The following ITGAM variants were observed in gnomAD, a reference collection of about 807,000 sequenced individuals.
ITGAM encodes the protein integrin subunit alpha M, also known as integrin alpha-M.
In ITGAM, 79 loss-of-function variants were observed where a neutral mutation model predicts 137.5. The ratio of observed to expected loss-of-function variants is 0.57; its 90% CI spans 0.48 to 0.69. The LOEUF is 0.69. Among genes scored for constraint, ITGAM ranks in the 30% least tolerant of loss-of-function variants. The pLI is 0.00. For missense variants in ITGAM, 1,343 were observed against 1,483.5 expected (o/e 0.91, Z 1.56); for synonymous variants, 583 against 592.3 (o/e 0.98, Z 0.23).
At chr16:31,267,775 C>T (rs1339862217) in intron 5 of ITGAM, among the ~76,000 whole-genome samples, 3 of 152,064 alleles carry the variant, frequency 2.0e-5, no homozygotes, top group Non-Finnish European at 4.4e-5. Context: ...GCCTCCGCCT[C>T]CAGAGTAGCT....
Position 31,273,467 on chromosome 16 carries a change from G to C in ITGAM, c.807G>C (p.Glu269Asp). Residue 269 changes from glutamate (E) to aspartate (D), a missense_variant, in exon 8 of 30, where the codon GAG becomes GAC. Physicochemically the swap from Glu to Asp is conservative, Grantham distance 45. Coordinates refer to ENST00000544665, the MANE Select transcript of ITGAM (RefSeq NM_000632.4). The stretch of plus-strand genomic sequence containing the variant: ...AGTTTGGCGATCCCTTGGGATATGA[G>C]GATGTCATCCCTGAGGCAGACAGAG... ...GEKFGDPLGY[E>D]DVIPEADREG... is the part of the protein sequence containing the mutation. The C allele has an allele frequency of 6.2e-7, 1 of 1,613,806 alleles. No individual in the cohort carries two copies. The highest frequency in any genetic ancestry group is 8.5e-7 in the Non-Finnish European group (1 of 1,179,782).
chr16:31,265,284 T>A, intron 2 of ITGAM, 111 bp from the exon 3 acceptor site: 2 of 511,448 alleles, frequency 3.9e-6, no homozygotes, highest in Non-Finnish European at 7.0e-6. Flanking sequence ...TCATAGGAAT[T>A]TAGGAATCCG....
chr16:31,262,110 C>T (rs2079706453), intron 2 of ITGAM, among the ~76,000 whole-genome samples: 2 of 152,154 alleles, frequency 1.3e-5, no homozygotes, highest in South Asian at 2.1e-4. Flanking sequence ...AGCCAACACA[C>T]CATGTGTAGT....
chr16:31,289,113 T>G (rs2080060004), intron 12 of ITGAM, among the ~76,000 whole-genome samples: 1 of 152,166 alleles, frequency 6.6e-6, no homozygotes, highest in Non-Finnish European at 1.5e-5. Flanking sequence ...CAACACGTGC[T>G]GGAGAGGATG....
At position 31,260,100 on chromosome 16, in the gene ITGAM, GGGGTGGGGTGGGGGACTCT is replaced by G; in HGVS notation, c.28+17_28+35del. ...GAGTCCTTCTGTTAACAGGTGCATG[GGGGTGGGGTGGGGGACTCT>G]GGGTGGGGAGGAGGGTAACTTTTGG... On this transcript the variant is annotated intron_variant, in intron 1 of 29. Coordinates refer to ENST00000544665, the MANE Select transcript of ITGAM (RefSeq NM_000632.4). The G allele has an allele frequency of 4.5e-6, 7 of 1,562,730 alleles. No individual in the cohort carries two copies. Among genetic ancestry groups the G allele is most frequent in the Non-Finnish European group, 6.1e-6 (7 of 1,148,478 alleles).
At chr16:31,311,172 A>G (rs1294837304) in intron 14 of ITGAM, among the ~76,000 whole-genome samples, 1 of 152,256 alleles carries the variant, frequency 6.6e-6, no homozygotes, top group African/African-American at 2.4e-5. Flanking sequence ...TCCTAAAACC[A>G]TAAAAACCCT....
Position 31,277,954 on chromosome 16 carries a change from C to A in ITGAM, c.1214-13C>A. On this transcript the variant is annotated splice_polypyrimidine_tract_variant and intron_variant, in intron 11 of 29. Transcript: ENST00000544665. ...CAGGGAATGCACTTCACCTCTCAGA[C>A]CCCCACCTTCAGGTTATGCTGCCGC... 6.3e-7 allele frequency: 1 copy of A among 1,579,986 alleles called. No individual in the cohort carries two copies. The highest frequency in any genetic ancestry group is 1.2e-5 in the South Asian group (1 of 86,244).
At chr16:31,274,537 G>C (rs1395702291) in intron 8 of ITGAM, among the ~76,000 whole-genome samples, 2 of 152,220 alleles carry the variant, frequency 1.3e-5, no homozygotes, top group Non-Finnish European at 1.5e-5. Context: ...GGTGAGAACA[G>C]ACAGAGAAGA....
chr16:31,272,426 T>C lies in ITGAM; in HGVS notation c.704+434T>C, dbSNP rs1182727098. The stretch of plus-strand genomic sequence containing the variant: ...AGGTTTCCTGAAGGCCAATTAACTA[T>C]ATATATATATATATATATATATATA... On this transcript the variant is annotated intron_variant, in intron 7 of 29. Transcript: ENST00000544665. Among the ~76,000 whole-genome samples, 16 of 5,080 alleles carry C rather than the reference T, an allele frequency of 3.1e-3. 1 individual carries two copies. Among genetic ancestry groups the C allele is most frequent in the East Asian group, 0.025 (4 of 158 alleles). 3.3% of individuals were successfully genotyped at this position (5,080 alleles called of 152,430 possible). A position where few individuals can be genotyped will look rare whatever the true frequency, so the allele number is the denominator to read the frequency against.
intron 14 of ITGAM, among the ~76,000 whole-genome samples, chr16:31,307,853 A>G (rs990602104): frequency 1.3e-5 from 2 of 152,134 alleles, no homozygotes; most frequent in African/African-American, 4.8e-5. Flanking sequence ...AGTTTTTAGC[A>G]TGAAGGGTTG....
At chr16:31,261,198 CTTTTTTTT>C (rs1017498448) in intron 1 of ITGAM, among the ~76,000 whole-genome samples, 6 of 123,238 alleles carry the variant, frequency 4.9e-5, no homozygotes, top group African/African-American at 1.7e-4. Context: ...ATGCTGCTAT[CTTTTTTTT>C]TTTTTTTTTT....
chr16:31,316,653 T>C (rs925609120), intron 14 of ITGAM, among the ~76,000 whole-genome samples: 3 of 152,194 alleles, frequency 2.0e-5, no homozygotes, highest in East Asian at 1.9e-4. Context: ...CTGTAAGAAA[T>C]GCCATTGGGA....
intron 16 of ITGAM, among the ~76,000 whole-genome samples, chr16:31,323,249 T>G (rs1229134027): frequency 6.6e-6 from 1 of 151,880 alleles, no homozygotes; most frequent in Non-Finnish European, 1.5e-5. Context: ...CTGGCCAACA[T>G]GGTGAAACCC....
intron 12 of ITGAM, among the ~76,000 whole-genome samples, chr16:31,296,791 T>TTGAATGAATGAATAAA (rs1043767821): frequency 1.3e-5 from 2 of 152,192 alleles, no homozygotes; most frequent in African/African-American, 4.8e-5. Flanking sequence ...CACTTGTTTG[T>TTGAATGAATGAATAAA]TGAATGAATG....
rs2080603778 is a variant in ITGAM, at chr16:31,332,702, CAT to C, written c.*996_*997del. 6.6e-6 allele frequency: 1 copy of C among 152,240 alleles called. No homozygotes were observed. Among genetic ancestry groups the C allele is most frequent in the African/African-American group, 2.4e-5 (1 of 41,458 alleles). The allele number at this position is 152,240 out of a possible 1,614,324, so 9.4% of individuals were successfully genotyped here. A position where few individuals can be genotyped will look rare whatever the true frequency, so the allele number is the denominator to read the frequency against. ...CTTTTTTTCACCAATATTTCTCAGA[CAT>C]CGGTTCATATTAAGACATAAATTAC... On this transcript the variant is annotated 3_prime_UTR_variant, in exon 30 of 30. Transcript: ENST00000544665.
intron 2 of ITGAM, among the ~76,000 whole-genome samples, chr16:31,262,198 G>T (rs1231890177): frequency 6.6e-6 from 1 of 152,072 alleles, no homozygotes; most frequent in Admixed American, 6.5e-5. Context: ...AAACAACTCC[G>T]TCCACTTGTC....
At chr16:31,328,974 G>T (rs1333418686) in intron 23 of ITGAM, 4 of 579,142 alleles carry the variant, frequency 6.9e-6, no homozygotes, top group Non-Finnish European at 1.2e-5. Context: ...GTGTCTGAGG[G>T]TCTGTGTGCA....
At chr16:31,308,049 C>CCAGT (rs1381324737) in intron 14 of ITGAM, among the ~76,000 whole-genome samples, 1 of 151,982 alleles carries the variant, frequency 6.6e-6, no homozygotes, top group Non-Finnish European at 1.5e-5. Context: ...ATTCGGTTTG[C>CCAGT]CAGTATTTTA....
At chr16:31,281,344 G>A (rs2079966848) in intron 12 of ITGAM, among the ~76,000 whole-genome samples, 1 of 152,090 alleles carries the variant, frequency 6.6e-6, no homozygotes, top group African/African-American at 2.4e-5. Context: ...GAATCCGTCT[G>A]GTCCTGGACT....
Sources: allele counts gnomAD v4.1 joint callset (sites outside exome capture counted in the v4.1 genomes callset), GRCh38; gene constraint gnomAD v4.1.1; transcripts MANE v1.5; gene names NCBI Gene and HGNC (gene_info 2026-07-23, HGNC 2026-07-21).